SIM2: variants seen among roughly 807,000 people sequenced by gnomAD.
The protein encoded by SIM2 is SIM bHLH transcription factor 2.
Under a neutral mutation model 64.8 loss-of-function variants are expected in SIM2, and 28 were observed. The ratio of observed to expected loss-of-function variants is 0.43; its 90% CI spans 0.32 to 0.59. The LOEUF (loss-of-function observed/expected upper bound fraction) is 0.59, where lower values mean the gene tolerates loss of function less well. Among genes scored for constraint, SIM2 ranks in the 20% least tolerant of loss-of-function variants. The pLI is 0.07. For missense variants in SIM2, 847 were observed against 871.4 expected, an observed-to-expected ratio of 0.97 and a Z score of 0.35; for synonymous variants, 408 against 391.1, an observed-to-expected ratio of 1.04 and a Z score of -0.51.
At chr21:36,739,743 G>A (rs2089128881) in intron 7 of SIM2, among the ~76,000 whole-genome samples, 1 of 152,096 alleles carries the variant, frequency 6.6e-6, no homozygotes, top group South Asian at 2.1e-4. Context: ...CACTGGGCCA[G>A]GCGCCGTGGC....
chr21:36,741,132 G>A (rs1312435171), intron 7 of SIM2, among the ~76,000 whole-genome samples: 1 of 152,220 alleles, frequency 6.6e-6, no homozygotes, highest in African/African-American at 2.4e-5. Context: ...CCAAGTAGAG[G>A]TCTTTCCTAC....
At chr21:36,743,734 TC>T (rs2089193758) in intron 9 of SIM2, among the ~76,000 whole-genome samples, 179 bp downstream of exon 9, 1 of 152,008 alleles carries the variant, frequency 6.6e-6, no homozygotes, top group Non-Finnish European at 1.5e-5. Flanking sequence ...AAGGCCGACA[TC>T]CCGGTGGGCT....
At chr21:36,740,059 G>GAAAGAAAGAAAGAAAGAAAGAAAGAA (rs1181460821) in intron 7 of SIM2, among the ~76,000 whole-genome samples, 1 of 136,292 alleles carries the variant, frequency 7.3e-6, no homozygotes, top group African/African-American at 2.7e-5. Flanking sequence ...AAGAAAGAAA[G>GAAAGAAAGAAAGAAAGAAAGAAAGAA]AGAAAATGCC....
chr21:36,711,259 T>G (rs1364265352), intron 2 of SIM2, among the ~76,000 whole-genome samples: 1 of 152,240 alleles, frequency 6.6e-6, no homozygotes, highest in Non-Finnish European at 1.5e-5. Flanking sequence ...CTTTAATGAT[T>G]TTGGAATTAA....
rs577366165 is a variant in SIM2, at chr21:36,734,154, T to G, written c.850+3003T>G. On this transcript the variant is annotated intron_variant, in intron 7 of 10. Coordinates refer to ENST00000290399, the MANE Select transcript of SIM2 (RefSeq NM_005069.6). ...CCACACCACACCACACCACGGGGCT[T>G]AACCTTGGAGATGTGGGCTGGTGGC... 5.3e-5 allele frequency among the ~76,000 whole-genome samples: 8 copies of G among 152,304 alleles called. No homozygotes were observed. In the South Asian group the frequency reaches 1.2e-3, roughly 24 times the overall value.
At chr21:36,704,410 G>A (rs1052340663) in intron 1 of SIM2, among the ~76,000 whole-genome samples, 3 of 152,228 alleles carry the variant, frequency 2.0e-5, no homozygotes, top group African/African-American at 4.8e-5. Context: ...CGCTTTCCCC[G>A]TCTCTGCTTT....
chr21:36,717,451 T>TTG (rs66718210), intron 3 of SIM2, among the ~76,000 whole-genome samples: 1 of 70,228 alleles, frequency 1.4e-5, no homozygotes, highest in African/African-American at 4.9e-5. Flanking sequence ...CTTTCTTTTC[T>TTG]TTTTTTTTTT....
chr21:36,721,966 C>T (rs1180594400), intron 4 of SIM2, among the ~76,000 whole-genome samples: 1 of 152,156 alleles, frequency 6.6e-6, no homozygotes, highest in Non-Finnish European at 1.5e-5. Flanking sequence ...CACAGCCGGC[C>T]GAGGGGTGCA....
rs1230234614 is a variant in SIM2 at position 36,699,782 on chromosome 21, G to A, written c.36G>A (p.Arg12=). 1 of 1,613,078 alleles carries A rather than the reference G, an allele frequency of 6.2e-7. No individual in the cohort carries two copies. The highest frequency in any genetic ancestry group is 2.2e-5 in the East Asian group (1 of 44,814). Residue 12 remains arginine (R), a synonymous_variant, in exon 1 of 11, where the codon AGG becomes AGA. Transcript: ENST00000290399. The surrounding 1 kb of genome is among the most constrained non-coding windows in gnomAD (Gnocchi z 5.6). ...AGTCCAAGAATGCGGCCAAGACCAG[G>A]AGGGAGAAGGAAAATGGCGAGTTTT... is the stretch of plus-strand genomic sequence containing the variant. The part of the protein sequence containing the change: ...KEKSKNAAKT[R]REKENGEFYE...
intron 5 of SIM2, among the ~76,000 whole-genome samples, chr21:36,724,428 G>A (rs368796909): frequency 1.1e-4 from 17 of 152,310 alleles, no homozygotes; most frequent in Non-Finnish European, 2.2e-4. Context: ...ACAGGCGCAC[G>A]CCACCACACC....
intron 1 of SIM2, among the ~76,000 whole-genome samples, chr21:36,705,796 C>T (rs1358135011): frequency 1.3e-5 from 2 of 152,210 alleles, no homozygotes; most frequent in African/African-American, 4.8e-5. Flanking sequence ...TTGTTAACCG[C>T]ATTTGATATT....
chr21:36,707,787 C>A (rs1260301379), intron 1 of SIM2, among the ~76,000 whole-genome samples: 1 of 151,984 alleles, frequency 6.6e-6, no homozygotes, highest in Non-Finnish European at 1.5e-5. Flanking sequence ...GGAACCCACT[C>A]GTGGCTGCCC....
intron 7 of SIM2, among the ~76,000 whole-genome samples, chr21:36,737,984 C>CCA (rs2089096600): frequency 4.4e-5 from 4 of 90,262 alleles, no homozygotes; most frequent in South Asian, 3.8e-4. Flanking sequence ...AAAAAAAAAG[C>CCA]AAAAAAAAAG....
chr21:36,741,812 A>C lies in SIM2; in HGVS notation c.946A>C (p.Asn316His). ...GCAGAGCTACGCCACCGTGGTGCAC[A>C]ACAGCCGCTCGTCCCGGCCCCACTG... ...WVQSYATVVH[N>H]SRSSRPHCIV... The change falls in exon 8 of 11, where the codon AAC becomes CAC. Residue 316 changes from asparagine to histidine, a missense_variant. By Grantham distance (68) the Asn-to-His change is moderately conservative. Around this residue, in one of 3 missense-constraint regions of SIM2, gnomAD observed 397 missense variants for 439.2 expected, o/e 0.90. Coordinates refer to ENST00000290399, the MANE Select transcript of SIM2 (RefSeq NM_005069.6). 1 of 1,610,142 alleles carries C rather than the reference A, an allele frequency of 6.2e-7. No homozygotes were observed.
chr21:36,699,406 G>A lies in SIM2; in HGVS notation c.-341G>A, dbSNP rs1223934825. On this transcript the variant is annotated 5_prime_UTR_variant, in exon 1 of 11. Coordinates refer to ENST00000290399, the MANE Select transcript of SIM2 (RefSeq NM_005069.6). The surrounding 1 kb of genome is among the most constrained non-coding windows in gnomAD (Gnocchi z 5.6). ...TAAGCAGCGCCTCCGCCTCCGCGCC[G>A]GCCGCCCCCACCCCCCAGGAAGGCC... 5.9e-6 allele frequency: 1 copy of A among 169,000 alleles called. No homozygotes were observed. The highest frequency in any genetic ancestry group is 1.2e-5 in the Non-Finnish European group (1 of 80,892). 10.5% of individuals were successfully genotyped at this position (169,000 alleles called of 1,614,324 possible).
chr21:36,709,328 C>A, intron 2 of SIM2, 78 bp downstream of exon 2: 1 of 1,237,272 alleles, frequency 8.1e-7, no homozygotes, highest in Non-Finnish European at 1.1e-6. Flanking sequence ...CTCCAGGCGT[C>A]CCTTCCCCAG....
chr21:36,747,528 G>A lies in SIM2; in HGVS notation c.1577-137G>A. On this transcript the variant is annotated intron_variant, in intron 10 of 10. Coordinates refer to ENST00000290399, the MANE Select transcript of SIM2 (RefSeq NM_005069.6). The surrounding 1 kb of genome is among the most constrained non-coding windows in gnomAD (Gnocchi z 4.5). ...GATTGGACAGCACGGCCTAGACTAA[G>A]GCGGGGGAGGGCGACAGCGACCCCG... The A allele has an allele frequency of 2.3e-6, 1 of 441,300 alleles. No homozygotes were observed. Among genetic ancestry groups the A allele is most frequent in the Non-Finnish European group, 3.4e-6 (1 of 295,274 alleles). 27.3% of individuals were successfully genotyped at this position (441,300 alleles called of 1,614,324 possible). A position where few individuals can be genotyped will look rare whatever the true frequency, so the allele number is the denominator to read the frequency against.
At chr21:36,719,434 G>A (rs1161387822) in intron 3 of SIM2, among the ~76,000 whole-genome samples, 3 of 152,226 alleles carry the variant, frequency 2.0e-5, no homozygotes, top group Non-Finnish European at 2.9e-5. Context: ...CCCTCAGATC[G>A]CCAGCAAGGG....
rs1417204941 is a variant in SIM2, at chr21:36,726,414, C to T, written c.743+96C>T. On this transcript the variant is annotated intron_variant, in intron 6 of 10. Coordinates refer to ENST00000290399, the MANE Select transcript of SIM2 (RefSeq NM_005069.6). The surrounding 1 kb of genome is among the most constrained non-coding windows in gnomAD (Gnocchi z 4.5). ...AGCTGCCATCTTGGCCAAATCATAA[C>T]AAGGAATAAGTCATAATAGGAATGT... The T allele has an allele frequency of 1.9e-6, 2 of 1,075,836 alleles. No homozygotes were observed. The highest frequency in any genetic ancestry group is 2.1e-5 in the Admixed American group (1 of 47,420). 66.6% of individuals were successfully genotyped at this position (1,075,836 alleles called of 1,614,324 possible).
Sources: gnomAD v4.1 joint callset for allele counts (sites outside exome capture counted in the v4.1 genomes callset) on GRCh38, gnomAD v4.1.1 for gene constraint, gnomAD v4.1.1 regional missense constraint, Gnocchi (gnomAD v3.1) non-coding constraint, MANE v1.5 for transcripts, NCBI Gene and HGNC (gene_info 2026-07-23, HGNC 2026-07-21) for gene names.